PDE11A: variants seen among roughly 807,000 people sequenced by gnomAD.
PDE11A encodes phosphodiesterase 11A.
PDE11A carries 100 observed loss-of-function variants against 100.5 expected under a neutral mutation model. The ratio of observed to expected loss-of-function variants is 1.00; its 90% CI spans 0.85 to 1.18. The LOEUF is 1.18. Ranked by LOEUF, PDE11A falls within the 50% of genes most tolerant of loss-of-function variation. The pLI, the probability that PDE11A is intolerant of heterozygous loss-of-function variation, is 0.00. For missense variants in PDE11A, 1,141 were observed against 1,152.6 expected (o/e 0.99, Z 0.15); for synonymous variants, 381 against 420.8 (o/e 0.91, Z 1.16).
chr2:177,971,765 G>A (rs1215680728), intron 2 of PDE11A, among the ~76,000 whole-genome samples: 1 of 151,976 alleles, frequency 6.6e-6, no homozygotes, highest in Admixed American at 6.6e-5. Flanking sequence ...TAGCAGAAAA[G>A]GGACAATAAT....
At chr2:177,801,926 C>T (rs1174177953) in intron 9 of PDE11A, among the ~76,000 whole-genome samples, 1 of 151,940 alleles carries the variant, frequency 6.6e-6, no homozygotes, top group Non-Finnish European at 1.5e-5. Flanking sequence ...AATGAATAAG[C>T]AAGCTGCAAA....
chr2:177,887,224 A>G (rs1334665480), intron 4 of PDE11A, among the ~76,000 whole-genome samples: 1 of 152,212 alleles, frequency 6.6e-6, no homozygotes, highest in Non-Finnish European at 1.5e-5. Flanking sequence ...CATCCAAATC[A>G]GCTGCAATCC....
chr2:177,859,375 A>T (rs2083903819), intron 5 of PDE11A, among the ~76,000 whole-genome samples: 1 of 151,940 alleles, frequency 6.6e-6, no homozygotes, highest in South Asian at 2.1e-4. Context: ...ACAAAATGTG[A>T]TATATCTATA....
intron 2 of PDE11A, among the ~76,000 whole-genome samples, chr2:178,004,188 T>C (rs888606820): frequency 6.6e-5 from 10 of 152,074 alleles, no homozygotes; most frequent in African/African-American, 2.2e-4. Context: ...TTACGGGTGA[T>C]ACTAATTTTT....
At chr2:178,102,205 C>T (rs1362154673) in intron 2 of PDE11A, among the ~76,000 whole-genome samples, 1 of 151,910 alleles carries the variant, frequency 6.6e-6, no homozygotes, top group African/African-American at 2.4e-5. Flanking sequence ...TGGCTCATCA[C>T]AACCTCTGCC....
At chr2:178,051,321 A>G (rs367838593) in intron 1 of PDE11A, among the ~76,000 whole-genome samples, 6 of 152,184 alleles carry the variant, frequency 3.9e-5, no homozygotes, top group African/African-American at 1.4e-4. Context: ...GATTTTGTCA[A>G]CACCAGGCCT....
chr2:178,037,261 C>T (rs974714895), intron 1 of PDE11A, among the ~76,000 whole-genome samples: 3 of 151,944 alleles, frequency 2.0e-5, no homozygotes, highest in African/African-American at 7.3e-5. Context: ...GGCCAACAAA[C>T]GTGAAAAAAA....
intron 2 of PDE11A, chr2:177,997,211 G>A (rs1208489940): frequency 1.9e-5 from 24 of 1,290,504 alleles, no homozygotes; most frequent in East Asian, 1.6e-4. Context: ...AGTCTTCCAC[G>A]ACTACGATTT....
intron 1 of PDE11A, among the ~76,000 whole-genome samples, chr2:178,019,961 C>G (rs2086385755): frequency 6.6e-6 from 1 of 152,176 alleles, no homozygotes; most frequent in Non-Finnish European, 1.5e-5. Context: ...GTTGTTCCCC[C>G]TGACTGCATC....
intron 4 of PDE11A, among the ~76,000 whole-genome samples, chr2:177,878,216 C>A (rs535598194): frequency 6.6e-6 from 1 of 152,266 alleles, no homozygotes; most frequent in African/African-American, 2.4e-5. Context: ...TACAGAATCA[C>A]TCATTGTGGC....
chr2:178,026,688 A>T (rs1559046490), intron 1 of PDE11A, among the ~76,000 whole-genome samples: 1 of 152,022 alleles, frequency 6.6e-6, no homozygotes, highest in Non-Finnish European at 1.5e-5. Flanking sequence ...AGAAAAAAGT[A>T]ATTTTTTAAA....
At chr2:177,657,627 T>A (rs1258466885) in intron 19 of PDE11A, among the ~76,000 whole-genome samples, 1 of 113,522 alleles carries the variant, frequency 8.8e-6, no homozygotes, top group African/African-American at 3.2e-5. Context: ...AGAGGGGGAG[T>A]GGGGAGAGGG....
intron 5 of PDE11A, among the ~76,000 whole-genome samples, chr2:177,859,055 T>C (rs1397253860): frequency 6.6e-6 from 1 of 151,754 alleles, no homozygotes; most frequent in African/African-American, 2.4e-5. Flanking sequence ...ATGAGAACAC[T>C]TGGACACAGG....
chr2:177,868,266 A>T (rs2084063294), intron 5 of PDE11A, among the ~76,000 whole-genome samples: 1 of 152,056 alleles, frequency 6.6e-6, no homozygotes, highest in South Asian at 2.1e-4. Flanking sequence ...GAAACTCTAA[A>T]CTCTCGTAGG....
At chr2:177,656,335 T>C (rs1354954389) in intron 19 of PDE11A, among the ~76,000 whole-genome samples, 1 of 152,230 alleles carries the variant, frequency 6.6e-6, no homozygotes, top group Non-Finnish European at 1.5e-5. Context: ...GCTGTACAGG[T>C]TTGTAGCCTG....
At chr2:178,052,994 A>G (rs1299103280) in intron 1 of PDE11A, among the ~76,000 whole-genome samples, 7 of 152,160 alleles carry the variant, frequency 4.6e-5, no homozygotes, top group African/African-American at 1.7e-4. Context: ...AAAAGAGGGA[A>G]TCCTCCCTAA....
At chr2:177,832,163 G>GGGTTAATGTGATGT (rs1477021999) in intron 6 of PDE11A, among the ~76,000 whole-genome samples, 3 of 152,200 alleles carry the variant, frequency 2.0e-5, no homozygotes, top group Admixed American at 2.0e-4. Context: ...CTAGTGATCA[G>GGGTTAATGTGATGT]TAGTGTGATG....
intron 4 of PDE11A, among the ~76,000 whole-genome samples, chr2:177,885,070 A>G (rs1243978520): frequency 1.3e-5 from 2 of 152,118 alleles, no homozygotes; most frequent in African/African-American, 4.8e-5. Context: ...ATATAAATAT[A>G]TATATGCATA....
intron 5 of PDE11A, among the ~76,000 whole-genome samples, chr2:177,874,434 T>C (rs771829610): frequency 3.5e-4 from 54 of 152,228 alleles, no homozygotes; most frequent in Non-Finnish European, 6.3e-4. Context: ...CGATTCTTTC[T>C]CCATGTCTGC....
Sources: allele counts gnomAD v4.1 joint callset (sites outside exome capture counted in the v4.1 genomes callset), GRCh38; gene constraint gnomAD v4.1.1; transcripts MANE v1.5; gene names NCBI Gene and HGNC (gene_info 2026-07-23, HGNC 2026-07-21).